Variants in FYB1 observed in about 807,000 individuals in gnomAD.
FYB1 encodes FYN-binding protein 1.
A neutral mutation model predicts 94.1 loss-of-function variants in FYB1; 41 were observed. The ratio of observed to expected loss-of-function variants is 0.44; its 90% CI spans 0.34 to 0.57. FYB1 has a LOEUF of 0.57. FYB1 is among the 20% of genes least tolerant of loss of function. The probability of loss-of-function intolerance (pLI) is 0.02; values close to 1 mark genes in which losing one functional copy is unlikely to be tolerated. For missense variants in FYB1, 1,050 were observed against 976.8 expected, an observed-to-expected ratio of 1.07 and a Z score of -1.00; for synonymous variants, 367 against 353.2, an observed-to-expected ratio of 1.04 and a Z score of -0.44.
chr5:39,177,274 T>G (rs1292727297), intron 2 of FYB1, among the ~76,000 whole-genome samples: 1 of 152,154 alleles, frequency 6.6e-6, no homozygotes, highest in East Asian at 1.9e-4. Flanking sequence ...CTTCTTACTA[T>G]TGTGCGCCTG....
At chr5:39,261,377 A>T (rs919131403) in intron 1 of FYB1, among the ~76,000 whole-genome samples, 3 of 115,052 alleles carry the variant, frequency 2.6e-5, no homozygotes, top group Admixed American at 9.0e-5. Flanking sequence ...CACACAAAGA[A>T]ATTGTTAGAC....
intron 2 of FYB1, among the ~76,000 whole-genome samples, chr5:39,195,549 G>T (rs966845102): frequency 2.0e-5 from 3 of 152,204 alleles, no homozygotes; most frequent in African/African-American, 7.2e-5. Context: ...ACACAGATGA[G>T]GAGGGGGCCA....
At chr5:39,191,528 G>C (rs1023316768) in intron 2 of FYB1, among the ~76,000 whole-genome samples, 2 of 152,124 alleles carry the variant, frequency 1.3e-5, no homozygotes, top group African/African-American at 2.4e-5. Flanking sequence ...ACTTTTTCCT[G>C]ATAATATCTA....
intron 10 of FYB1, among the ~76,000 whole-genome samples, chr5:39,128,606 A>T (rs1000198575): frequency 6.6e-6 from 1 of 152,150 alleles, no homozygotes; most frequent in South Asian, 2.1e-4. Context: ...GAATAAGTCA[A>T]GACTGTCCTG....
chr5:39,248,956 G>A (rs1345100701), intron 1 of FYB1, among the ~76,000 whole-genome samples: 2 of 151,964 alleles, frequency 1.3e-5, no homozygotes, highest in Non-Finnish European at 2.9e-5. Context: ...AGCTATTTAA[G>A]TTTAAATTTT....
At chr5:39,109,539 T>C (rs1738859889) in intron 17 of FYB1, among the ~76,000 whole-genome samples, 1 of 152,094 alleles carries the variant, frequency 6.6e-6, no homozygotes. Context: ...AAAGGTATTA[T>C]GATTATTTTT....
intron 3 of FYB1, among the ~76,000 whole-genome samples, chr5:39,147,000 CAG>C (rs1454347832): frequency 6.6e-6 from 1 of 152,010 alleles, no homozygotes; most frequent in Non-Finnish European, 1.5e-5. Flanking sequence ...AAGCCCCATA[CAG>C]AGAGTAAGAG....
intron 1 of FYB1, among the ~76,000 whole-genome samples, chr5:39,264,489 T>C (rs936650597): frequency 2.0e-5 from 3 of 152,186 alleles, no homozygotes; most frequent in Non-Finnish European, 2.9e-5. Flanking sequence ...AGACCCAGCA[T>C]TCATGTGGCC....
chr5:39,199,397 A>G (rs1274409292), intron 2 of FYB1, among the ~76,000 whole-genome samples: 1 of 152,204 alleles, frequency 6.6e-6, no homozygotes, highest in Non-Finnish European at 1.5e-5. Context: ...TGTTCAGAAA[A>G]TAAATGCTTA....
chr5:39,231,163 A>AAAAAAAC (rs1750725338), intron 1 of FYB1, among the ~76,000 whole-genome samples: 1 of 118,956 alleles, frequency 8.4e-6, no homozygotes, highest in Non-Finnish European at 1.6e-5. Context: ...AAAAAAAAAC[A>AAAAAAAC]AAAAAAAACA....
At chr5:39,135,103 A>G in intron 7 of FYB1, 89 bp from the exon 8 acceptor site, 1 of 1,410,250 alleles carries the variant, frequency 7.1e-7, no homozygotes, top group Non-Finnish European at 9.7e-7. Context: ...TAAGTCTACA[A>G]CTTGCTAAGC....
At chr5:39,133,417 A>G (rs1398832129) in intron 9 of FYB1, among the ~76,000 whole-genome samples, 1 of 152,156 alleles carries the variant, frequency 6.6e-6, no homozygotes, top group Non-Finnish European at 1.5e-5. Flanking sequence ...GTGTTGGAGG[A>G]AAGAAGGAAT....
intron 2 of FYB1, among the ~76,000 whole-genome samples, chr5:39,174,934 C>T (rs1385094660): frequency 6.6e-6 from 1 of 152,160 alleles, no homozygotes; most frequent in Non-Finnish European, 1.5e-5. Flanking sequence ...GACCTCTTCT[C>T]CCATAGAGAA....
intron 6 of FYB1, chr5:39,137,936 C>T (rs73086941): frequency 2.7e-4 from 149 of 547,468 alleles, no homozygotes; most frequent in African/African-American, 2.6e-3. Flanking sequence ...GCTCTGCTTT[C>T]CCTGACAACT....
At chr5:39,169,105 A>G in intron 2 of FYB1, 1 of 642,084 alleles carries the variant, frequency 1.6e-6, no homozygotes, top group Admixed American at 2.4e-5. Flanking sequence ...TTGTAGTGAT[A>G]AAATAATCTT....
chr5:39,182,593 T>TCC, intron 2 of FYB1, among the ~76,000 whole-genome samples: 1 of 152,278 alleles, frequency 6.6e-6, no homozygotes, highest in East Asian at 1.9e-4. Context: ...CAGAGCTTCT[T>TCC]TTAGGAGAAT....
At chr5:39,270,877 T>G (rs1337376893) in intron 1 of FYB1, 1 of 354,100 alleles carries the variant, frequency 2.8e-6, no homozygotes, top group Non-Finnish European at 5.1e-6. Flanking sequence ...TATTAAATTT[T>G]GCTATACATT....
intron 2 of FYB1, among the ~76,000 whole-genome samples, chr5:39,189,101 AGAGCTCACAAT>A (rs1318815323): frequency 1.3e-5 from 2 of 152,230 alleles, no homozygotes; most frequent in Non-Finnish European, 2.9e-5. Flanking sequence ...AGATCCATTT[AGAGCTCACAAT>A]GATCAGGAAG....
chr5:39,179,683 C>G (rs1204101851), intron 2 of FYB1, among the ~76,000 whole-genome samples: 1 of 151,746 alleles, frequency 6.6e-6, no homozygotes, highest in Non-Finnish European at 1.5e-5. Context: ...GTACCAATGT[C>G]TACCAGGCTG....
Sources: allele counts gnomAD v4.1 joint callset (sites outside exome capture counted in the v4.1 genomes callset), GRCh38; gene constraint gnomAD v4.1.1; transcripts MANE v1.5; gene names NCBI Gene and HGNC (gene_info 2026-07-23, HGNC 2026-07-21).